Variants in SKP2 observed in about 807,000 individuals in gnomAD.
SKP2 encodes S-phase kinase-associated protein 2.
In SKP2, 16 loss-of-function variants were observed where a neutral mutation model predicts 51.8. The ratio of observed to expected loss-of-function variants is 0.31; its 90% CI spans 0.21 to 0.47. SKP2 has a LOEUF of 0.47. Ranked by LOEUF, SKP2 falls within the 20% of genes least tolerant of loss-of-function variation. The pLI is 1.00. For synonymous variants in SKP2, 176 were observed against 198.6 expected, an observed-to-expected ratio of 0.89 and a Z score of 0.96; for missense variants, 377 against 505.3, an observed-to-expected ratio of 0.75 and a Z score of 2.43.
intron 2 of SKP2, 73 bp downstream of exon 2, chr5:36,153,115 C>A: frequency 6.9e-7 from 1 of 1,451,734 alleles, no homozygotes; most frequent in Non-Finnish European, 9.5e-7. Context: ...AACCTTTGTT[C>A]AGAGATCTTT....
intron 2 of SKP2, among the ~76,000 whole-genome samples, chr5:36,160,928 T>G (rs1022599439): frequency 5.3e-5 from 8 of 152,148 alleles, no homozygotes; most frequent in African/African-American, 1.9e-4. Flanking sequence ...CAGTCAGTCC[T>G]TTAATTTTGT....
Position 36,166,510 on chromosome 5 carries a change from CTT to C in SKP2, c.393-6_393-5del. The C allele has an allele frequency of 6.2e-7, 1 of 1,613,848 alleles. No individual in the cohort carries two copies. The highest frequency in any genetic ancestry group is 8.5e-7 in the Non-Finnish European group (1 of 1,179,818). ...CGACTGGCCAAATTAAGTATCTCCT[CTT>C]TTATAGGTCTGATGAGTCTCTATGG... On this transcript the variant is annotated splice_polypyrimidine_tract_variant and splice_region_variant and intron_variant, in intron 3 of 9. Coordinates refer to ENST00000274255, the MANE Select transcript of SKP2 (RefSeq NM_005983.4).
At chr5:36,192,225 A>G (rs1228834918) in intron 6 of SKP2, among the ~76,000 whole-genome samples, 1 of 152,212 alleles carries the variant, frequency 6.6e-6, no homozygotes, top group African/African-American at 2.4e-5. Flanking sequence ...TTAATGTTAA[A>G]GTCAAGAATA....
At chr5:36,169,198 A>G (rs1322450774) in intron 5 of SKP2, among the ~76,000 whole-genome samples, 2 of 152,160 alleles carry the variant, frequency 1.3e-5, no homozygotes, top group Non-Finnish European at 2.9e-5. Flanking sequence ...TAATCCCAGC[A>G]CTTTGGGAGG....
At position 36,181,891 on chromosome 5, in the gene SKP2, T is replaced by C. The variant is rs769387271; in HGVS notation, c.1135T>C (p.Leu379=). The C allele has an allele frequency of 1.1e-5, 17 of 1,614,012 alleles. No individual in the cohort carries two copies. Among genetic ancestry groups the C allele is most frequent in the Non-Finnish European group, 1.3e-5 (15 of 1,180,014 alleles). The change falls in exon 10 of 10, where the codon TTA becomes CTA. Residue 379 remains leucine (L), a synonymous_variant. Transcript: ENST00000274255. ...GIVPDGTLQL[L]KEALPHLQIN... ...CGTGCCAGATGGTACCCTTCAACTG[T>C]TAAAGGAAGCCCTTCCTCATCTACA...
intron 7 of SKP2, among the ~76,000 whole-genome samples, chr5:36,175,760 G>A (rs1388324965): frequency 6.6e-6 from 1 of 151,682 alleles, no homozygotes; most frequent in Non-Finnish European, 1.5e-5. Context: ...TGTATGAAAT[G>A]TTATCAGAAA....
intron 9 of SKP2, chr5:36,180,257 G>C (rs1329367871): frequency 7.4e-7 from 1 of 1,348,050 alleles, no homozygotes; most frequent in Admixed American, 1.9e-5. Flanking sequence ...TTTCACATGA[G>C]GGATTCAAAG....
At chr5:36,156,948 A>T (rs1294232460) in intron 2 of SKP2, among the ~76,000 whole-genome samples, 1 of 152,076 alleles carries the variant, frequency 6.6e-6, no homozygotes, top group Non-Finnish European at 1.5e-5. Context: ...CCAGTAAGAA[A>T]CATATTTTAC....
rs149397431 is a variant in SKP2, at chr5:36,175,631, CTCTT to C, written c.902-1326_902-1323del. On this transcript the variant is annotated intron_variant, in intron 7 of 9. Coordinates refer to ENST00000274255, the MANE Select transcript of SKP2 (RefSeq NM_005983.4). The stretch of plus-strand genomic sequence containing the variant: ...CCTTGCAGCCTTTTTTTTTTCTTCT[CTCTT>C]TCTTTCTGTGTATGTGTTTGTGTGT... 8.1e-3 allele frequency among the ~76,000 whole-genome samples: 1,212 copies of C among 150,184 alleles called. 14 individuals are homozygous for C. Among genetic ancestry groups the C allele is most frequent in the African/African-American group, 0.029 (1,170 of 40,740 alleles).
chr5:36,183,776 G>A lies in SKP2; in HGVS notation c.*1745G>A. ...TTTAAAGTTGGGTTGCACAGGAAATGATGATGCTTCAATTTCTTAATAGTT... is the reference window on the plus strand; with the variant it reads ...TTTAAAGTTGGGTTGCACAGGAAATAATGATGCTTCAATTTCTTAATAGTT... On this transcript the variant is annotated 3_prime_UTR_variant, in exon 10 of 10. Transcript: ENST00000274255. 2.0e-6 allele frequency: 3 copies of A among 1,477,870 alleles called. No homozygotes were observed. The highest frequency in any genetic ancestry group is 2.7e-6 in the Non-Finnish European group (3 of 1,118,170). 91.5% of individuals were successfully genotyped at this position (1,477,870 alleles called of 1,614,324 possible). A position where few individuals can be genotyped will look rare whatever the true frequency, so the allele number is the denominator to read the frequency against.
chr5:36,185,279 C>CA (rs1745937822), downstream of SKP2, among the ~76,000 whole-genome samples: 1 of 152,134 alleles, frequency 6.6e-6, no homozygotes, highest in South Asian at 2.1e-4. Flanking sequence ...TCCCATTTGT[C>CA]AATTTTAGCT....
rs1745358561 is a variant in SKP2 at position 36,168,328 on chromosome 5, G to A, written c.552G>A (p.Gln184=). 1 of 1,614,126 alleles carries A rather than the reference G, an allele frequency of 6.2e-7. No homozygotes were observed. The highest frequency in any genetic ancestry group is 2.2e-5 in the East Asian group (1 of 44,880). Residue 184 remains glutamine, a synonymous_variant, in exon 5 of 10, where the codon CAG becomes CAA. Transcript: ENST00000274255. The part of the protein sequence containing the change: ...LAEHFSPFRV[Q]HMDLSNSVIE... ...CCGTGTTTAGCCCTTTTCGTGTACAGCACATGGACCTATCGAACTCAGTTA... is the reference window on the plus strand; with the variant it reads ...CCGTGTTTAGCCCTTTTCGTGTACAACACATGGACCTATCGAACTCAGTTA...
Position 36,152,171 on chromosome 5 carries a change from C to T in SKP2, c.-92C>T, listed in dbSNP as rs943483444. ...GGCTGCTGGGGGCCCGAGCAGCACG[C>T]TCGGAGCCGCCGCGCGCCAAAGCGG... On this transcript the variant is annotated 5_prime_UTR_variant, in exon 1 of 10. Transcript: ENST00000274255. The T allele has an allele frequency of 1.4e-6, 2 of 1,406,402 alleles. No homozygotes were observed. Among genetic ancestry groups the T allele is most frequent in the Non-Finnish European group, 2.0e-6 (2 of 993,026 alleles). 87.1% of individuals were successfully genotyped at this position (1,406,402 alleles called of 1,614,324 possible).
chr5:36,170,436 G>A lies in SKP2; in HGVS notation c.764G>A (p.Cys255Tyr). 6.3e-7 allele frequency: 1 copy of A among 1,597,412 alleles called. No homozygotes were observed. Among genetic ancestry groups the A allele is most frequent in the Non-Finnish European group, 8.6e-7 (1 of 1,165,744 alleles). The change falls in exon 6 of 10, where the codon TGT (cysteine) becomes TAT (tyrosine). Residue 255 changes from cysteine to tyrosine, a missense_variant. This residue lies in a region of SKP2 where 262 missense variants were observed against 389.8 expected (regional missense o/e 0.67). Coordinates refer to ENST00000274255, the MANE Select transcript of SKP2 (RefSeq NM_005983.4). ...EFALQTLLSS[C>Y]SRLDELNLSW... Reference sequence around the variant, plus strand: ...GCCCTGCAGACTTTGCTAAGCAGCTGTTCCAGGTATGAAAGATGTGAGACT... The same window carrying A: ...GCCCTGCAGACTTTGCTAAGCAGCTATTCCAGGTATGAAAGATGTGAGACT...
chr5:36,157,673 C>A (rs926392943), intron 2 of SKP2, among the ~76,000 whole-genome samples: 1 of 152,120 alleles, frequency 6.6e-6, no homozygotes, highest in African/African-American at 2.4e-5. Flanking sequence ...AAGAAATGCA[C>A]ACACACACAA....
intron 9 of SKP2, among the ~76,000 whole-genome samples, chr5:36,181,050 A>G (rs1157165358): frequency 2.0e-5 from 3 of 152,194 alleles, no homozygotes; most frequent in Non-Finnish European, 4.4e-5. Flanking sequence ...GTGAAACAGA[A>G]TTTGAGAAAC....
intron 2 of SKP2, chr5:36,155,303 T>G (rs1744909538): frequency 6.6e-6 from 1 of 152,160 alleles, no homozygotes; most frequent in Non-Finnish European, 1.5e-5. Context: ...GGAATATACA[T>G]CAGGAATTGG....
At chr5:36,177,146 G>T in intron 8 of SKP2, 39 bp from the exon 9 acceptor site, 1 of 1,397,872 alleles carries the variant, frequency 7.2e-7, no homozygotes, top group Admixed American at 1.7e-5. Context: ...TAGGATCAAT[G>T]TGTGATTTTC....
At chr5:36,166,486 G>T in intron 3 of SKP2, 33 bp from the exon 4 acceptor site, 1 of 1,608,306 alleles carries the variant, frequency 6.2e-7, no homozygotes, top group South Asian at 1.1e-5. Context: ...TAGTGTGACC[G>T]ACTGGCCAAA....
Sources: gnomAD v4.1 joint callset for allele counts (sites outside exome capture counted in the v4.1 genomes callset) on GRCh38, gnomAD v4.1.1 for gene constraint, gnomAD v4.1.1 regional missense constraint, MANE v1.5 for transcripts, NCBI Gene and HGNC (gene_info 2026-07-23, HGNC 2026-07-21) for gene names.